NCAPG: variants seen among roughly 807,000 people sequenced by gnomAD.
NCAPG encodes the protein non-SMC condensin I complex subunit G.
Under a neutral mutation model 113.1 loss-of-function variants are expected in NCAPG, and 69 were observed. That is an observed-to-expected ratio of 0.61 (90% CI 0.50 to 0.75). The LOEUF is 0.75. Ranked by LOEUF, NCAPG falls within the 30% of genes least tolerant of loss-of-function variation. The pLI is 0.00. For missense variants in NCAPG, 1,058 were observed against 1,177.0 expected (o/e 0.90, Z 1.48); for synonymous variants, 370 against 415.8 (o/e 0.89, Z 1.34).
intron 14 of NCAPG, among the ~76,000 whole-genome samples, chr4:17,835,384 G>T (rs924780369): frequency 1.3e-5 from 2 of 152,126 alleles, no homozygotes; most frequent in African/African-American, 2.4e-5. Context: ...TAGAGACAGG[G>T]TCTCGCTCTG....
At position 17,840,080 on chromosome 4, in the gene NCAPG, G is replaced by T. The variant is rs1219482263; in HGVS notation, c.2638G>T (p.Asp880Tyr). ...LLNEILEQVK[D>Y]RTCLRALEKI... ...ATGTTTTCTTTTATAGCAAGTAAAA[G>T]ATAGGACATGTCTGAGAGCTTTGGA... Residue 880 changes from aspartate to tyrosine, a missense_variant, in exon 18 of 21, where the codon GAT (aspartate) becomes TAT (tyrosine). By Grantham distance (160) the Asp-to-Tyr change is radical. Transcript: ENST00000251496. 6.3e-7 allele frequency: 1 copy of T among 1,599,756 alleles called. No individual in the cohort carries two copies.
At chr4:17,833,000 C>T (rs1055649401) in intron 13 of NCAPG, among the ~76,000 whole-genome samples, 5 of 152,064 alleles carry the variant, frequency 3.3e-5, no homozygotes, top group African/African-American at 1.2e-4. Context: ...TTTCTCAATT[C>T]ATTATTTACA....
intron 9 of NCAPG, among the ~76,000 whole-genome samples, chr4:17,824,443 C>T (rs1293817167): frequency 1.3e-5 from 2 of 152,066 alleles, no homozygotes; most frequent in African/African-American, 4.8e-5. Flanking sequence ...AGTTGTTATT[C>T]AGCATCTGCT....
intron 14 of NCAPG, among the ~76,000 whole-genome samples, chr4:17,835,229 A>T (rs1722046636): frequency 6.6e-6 from 1 of 152,148 alleles, no homozygotes; most frequent in Non-Finnish European, 1.5e-5. Flanking sequence ...TTTTTTTGAG[A>T]TAGGGTCTTG....
Position 17,830,957 on chromosome 4 carries a change from G to T in NCAPG, c.1765-40G>T. 2 of 1,587,212 alleles carry T rather than the reference G, an allele frequency of 1.3e-6. 1 individual carries two copies. Reference sequence around the variant, plus strand: ...TAATAGACAATAGGGAAATGAAGTAGATCTATGAAATCATATGGAAAATTT... The same window carrying T: ...TAATAGACAATAGGGAAATGAAGTATATCTATGAAATCATATGGAAAATTT... On this transcript the variant is annotated intron_variant, in intron 12 of 20. Coordinates refer to ENST00000251496, the MANE Select transcript of NCAPG (RefSeq NM_022346.5).
intron 3 of NCAPG, among the ~76,000 whole-genome samples, chr4:17,814,014 A>G (rs1379953171): frequency 1.3e-5 from 2 of 152,180 alleles, no homozygotes; most frequent in African/African-American, 2.4e-5. Context: ...TAATTGAGGT[A>G]GGAAAGATGT....
At chr4:17,837,478 T>C in intron 15 of NCAPG, 138 bp downstream of exon 15, 2 of 1,232,316 alleles carry the variant, frequency 1.6e-6, no homozygotes, top group African/African-American at 1.5e-5. Context: ...ACAAGAACGA[T>C]ACAGATTTTA....
At chr4:17,837,578 C>G (rs766294650) in intron 15 of NCAPG, 49 bp from the exon 16 acceptor site, 10 of 1,546,448 alleles carry the variant, frequency 6.5e-6, no homozygotes, top group Non-Finnish European at 7.9e-6. Context: ...TACTTTTTCT[C>G]TCATCAAATA....
In NCAPG at chr4:17,814,951, G is replaced by A. The variant is rs764094948; in HGVS notation, c.643G>A (p.Gly215Arg). The A allele has an allele frequency of 1.9e-6, 3 of 1,614,128 alleles. No homozygotes were observed. The highest frequency in any genetic ancestry group is 2.2e-5 in the South Asian group (2 of 91,078). The change falls in exon 4 of 21, where the codon GGG becomes AGG. Residue 215 changes from glycine to arginine, a missense_variant. Gly to Arg is a moderately radical substitution (Grantham distance 125). Transcript: ENST00000251496. ...AGCAAAGACTTTGCCAAAAATTGTA[G>A]GGCGCACCAAGGATGTGAAAGAGGC... ...PSAKTLPKIV[G>R]RTKDVKEAVR... is the part of the protein sequence containing the mutation.
chr4:17,820,090 A>G (rs1441185691), intron 7 of NCAPG, among the ~76,000 whole-genome samples: 2 of 152,200 alleles, frequency 1.3e-5, no homozygotes, highest in Non-Finnish European at 1.5e-5. Flanking sequence ...AGATGTTTAT[A>G]GAAGGTAGTG....
At position 17,840,622 on chromosome 4, in the gene NCAPG, T is replaced by A. The variant is rs749439800; in HGVS notation, c.2783T>A (p.Val928Glu). The stretch of plus-strand genomic sequence containing the variant: ...CCTTTAATAGAAAAGAATAAAGAAG[T>A]ATATATGACTCCACTCAGGGGTGTA... ...FQNEDEKNKE[V>E]YMTPLRGVKA... The change falls in exon 19 of 21, where the codon GTA (valine) becomes GAA (glutamate). Residue 928 changes from valine (V) to glutamate (E), a missense_variant. Val to Glu is a moderately radical substitution (Grantham distance 121). Coordinates refer to ENST00000251496, the MANE Select transcript of NCAPG (RefSeq NM_022346.5). 1.3e-6 allele frequency: 2 copies of A among 1,518,292 alleles called. No homozygotes were observed. Among genetic ancestry groups the A allele is most frequent in the Non-Finnish European group, 1.8e-6 (2 of 1,133,404 alleles). 94.1% of individuals were successfully genotyped at this position (1,518,292 alleles called of 1,614,324 possible).
In NCAPG at chr4:17,820,760, A is replaced by G. The variant is rs886400064; in HGVS notation, c.1119-2223A>G. ...AATTAAATTGAAAAATTGTTTCCTG[A>G]TAATCTCAGGAATATGTTTTCAGGC... On this transcript the variant is annotated intron_variant, in intron 7 of 20. Coordinates refer to ENST00000251496, the MANE Select transcript of NCAPG (RefSeq NM_022346.5). Among the ~76,000 whole-genome samples, 5 of 152,216 alleles carry G rather than the reference A, an allele frequency of 3.3e-5. No individual in the cohort carries two copies. The East Asian group carries it at 7.7e-4, about 23-fold the overall frequency.
Position 17,837,631 on chromosome 4 carries a change from A to T in NCAPG, c.2296A>T (p.Asn766Tyr), listed in dbSNP as rs746347285. ...FPVFAYASRT[N>Y]QECFEEAFLP... Reference sequence around the variant, plus strand: ...TTTGAATTTGTTTCTCAATAGGACTAATCAGGAATGCTTTGAAGAAGCTTT... The same window carrying T: ...TTTGAATTTGTTTCTCAATAGGACTTATCAGGAATGCTTTGAAGAAGCTTT... Residue 766 changes from asparagine to tyrosine, a missense_variant, in exon 16 of 21, where the codon AAT becomes TAT. Physicochemically the swap from Asn to Tyr is moderately radical, Grantham distance 143 (BLOSUM62 -2). Coordinates refer to ENST00000251496, the MANE Select transcript of NCAPG (RefSeq NM_022346.5). 6.2e-7 allele frequency: 1 copy of T among 1,613,104 alleles called. No individual in the cohort carries two copies. Among genetic ancestry groups the T allele is most frequent in the Admixed American group, 1.7e-5 (1 of 59,860 alleles).
chr4:17,843,702 G>T lies in NCAPG; in HGVS notation c.*277G>T, dbSNP rs955743189. ...AATAGTCTCTCCAAGTGATTCTTAT[G>T]AACTCTTTATGTTTAAAATCATGTC... On this transcript the variant is annotated 3_prime_UTR_variant, in exon 21 of 21. Transcript: ENST00000251496. 1.7e-5 allele frequency: 4 copies of T among 229,428 alleles called. No homozygotes were observed. Among genetic ancestry groups the T allele is most frequent in the Admixed American group, 5.1e-5 (1 of 19,738 alleles). 14.2% of individuals were successfully genotyped at this position (229,428 alleles called of 1,614,324 possible). A position where few individuals can be genotyped will look rare whatever the true frequency, so the allele number is the denominator to read the frequency against.
intron 16 of NCAPG, among the ~76,000 whole-genome samples, chr4:17,839,022 A>G (rs1459154254): frequency 6.6e-6 from 1 of 152,222 alleles, no homozygotes; most frequent in Non-Finnish European, 1.5e-5. Flanking sequence ...AATCTAAAAG[A>G]AAGAGCTTGA....
In NCAPG at chr4:17,811,025, G is replaced by A. The variant is rs1577328360; in HGVS notation, c.-53G>A. 1.7e-6 allele frequency: 2 copies of A among 1,191,882 alleles called. No homozygotes were observed. The highest frequency in any genetic ancestry group is 2.3e-6 in the Non-Finnish European group (2 of 875,382). 73.8% of individuals were successfully genotyped at this position (1,191,882 alleles called of 1,614,324 possible). A position where few individuals can be genotyped will look rare whatever the true frequency, so the allele number is the denominator to read the frequency against. ...AGCGCTGCCTCTGGGTTGGCGGGCTGGCAGGCTGTAGCCGAGCGCGGGCAG... is the reference window on the plus strand; with the variant it reads ...AGCGCTGCCTCTGGGTTGGCGGGCTAGCAGGCTGTAGCCGAGCGCGGGCAG... On this transcript the variant is annotated 5_prime_UTR_variant, in exon 1 of 21. Transcript: ENST00000251496. This position sits in a 1 kb window ranked among gnomAD's most constrained non-coding sequence, Gnocchi z 5.3.
chr4:17,837,822 C>T, intron 16 of NCAPG, 21 bp downstream of exon 16: 1 of 1,612,178 alleles, frequency 6.2e-7, no homozygotes, highest in Non-Finnish European at 8.5e-7. Context: ...GTGGTAACTG[C>T]ATGCAGATCA....
chr4:17,822,752 T>G (rs1379899089), intron 7 of NCAPG, among the ~76,000 whole-genome samples: 1 of 152,210 alleles, frequency 6.6e-6, no homozygotes, highest in African/African-American at 2.4e-5. Flanking sequence ...ATAGAAAATT[T>G]GAGTCATTAT....
At chr4:17,834,741 C>A (rs572082719) in intron 14 of NCAPG, among the ~76,000 whole-genome samples, 2 of 152,144 alleles carry the variant, frequency 1.3e-5, no homozygotes, top group Admixed American at 1.3e-4. Context: ...CCCCTACCCC[C>A]CTATCCCCTG....
Sources: gnomAD v4.1 joint callset for allele counts (sites outside exome capture counted in the v4.1 genomes callset) on GRCh38, gnomAD v4.1.1 for gene constraint, Gnocchi (gnomAD v3.1) non-coding constraint, MANE v1.5 for transcripts, NCBI Gene and HGNC (gene_info 2026-07-23, HGNC 2026-07-21) for gene names.